ZBTB47: variants seen among roughly 807,000 people sequenced by gnomAD.
The protein encoded by ZBTB47 is zinc finger and BTB domain containing 47, also known as zinc finger and BTB domain-containing protein 47.
Under a neutral mutation model 56.6 loss-of-function variants are expected in ZBTB47, and 24 were observed. That is an observed-to-expected ratio of 0.42 (90% CI 0.31 to 0.60). The LOEUF is 0.60. Ranked by LOEUF, ZBTB47 falls within the 20% of genes least tolerant of loss-of-function variation. The pLI, the probability that ZBTB47 is intolerant of heterozygous loss-of-function variation, is 0.14. For synonymous variants in ZBTB47, 414 were observed against 418.9 expected (o/e 0.99, Z 0.14); for missense variants, 829 against 1,032.6 (o/e 0.80, Z 2.70).
At chr3:42,661,390 G>A (rs552702179) in intron 2 of ZBTB47, 95 bp from the exon 3 acceptor site, 1 of 1,424,896 alleles carries the variant, frequency 7.0e-7, no homozygotes, top group South Asian at 1.3e-5. Flanking sequence ...CATATTTCAA[G>A]TGGGAAAACT....
upstream of ZBTB47, among the ~76,000 whole-genome samples, chr3:42,653,356 T>C (rs1290402420): frequency 6.6e-6 from 1 of 152,184 alleles, no homozygotes; most frequent in Non-Finnish European, 1.5e-5. Flanking sequence ...CAGCTGGACA[T>C]GGACTTGTAT....
chr3:42,664,802 T>G lies in ZBTB47; in HGVS notation c.*204T>G. ...CCAGAGCTGGTGGAGGGCATCTCAC[T>G]CCCAAGTGCCCCCCCTTTCTGTGAC... is the stretch of plus-strand genomic sequence containing the variant. On this transcript the variant is annotated 3_prime_UTR_variant, in exon 6 of 6. Transcript: ENST00000232974. 2.2e-6 allele frequency: 1 copy of G among 450,238 alleles called. No homozygotes were observed. The highest frequency in any genetic ancestry group is 3.6e-6 in the Non-Finnish European group (1 of 278,206). The allele number at this position is 450,238 out of a possible 1,614,324, so 27.9% of individuals were successfully genotyped here. A position where few individuals can be genotyped will look rare whatever the true frequency, so the allele number is the denominator to read the frequency against.
In ZBTB47 at chr3:42,653,806, TG is replaced by T. The variant is rs1280088432; in HGVS notation, c.-158del. ...CTGGCCCTGGGCCAGTCACCTTAGA[TG>T]ATTTGATCGCTGCGGTTGTAGTCCT... On this transcript the variant is annotated 5_prime_UTR_variant, in exon 1 of 6. The change abolishes an upstream ATG in the 5' untranslated region. Coordinates refer to ENST00000232974, the MANE Select transcript of ZBTB47 (RefSeq NM_145166.4). 1 of 152,548 alleles carries T rather than the reference TG, an allele frequency of 6.6e-6. No homozygotes were observed. Among genetic ancestry groups the T allele is most frequent in the Non-Finnish European group, 1.5e-5 (1 of 68,306 alleles). 9.4% of individuals were successfully genotyped at this position (152,548 alleles called of 1,614,324 possible). A position where few individuals can be genotyped will look rare whatever the true frequency, so the allele number is the denominator to read the frequency against.
intron 2 of ZBTB47, among the ~76,000 whole-genome samples, chr3:42,660,291 T>G (rs1710698844): frequency 6.6e-6 from 1 of 152,210 alleles, no homozygotes; most frequent in Non-Finnish European, 1.5e-5. Context: ...GAGCACACGA[T>G]GGGAGGAGGG....
At chr3:42,664,144 C>T in intron 5 of ZBTB47, 93 bp from the exon 6 acceptor site, 1 of 1,536,278 alleles carries the variant, frequency 6.5e-7, no homozygotes, top group Non-Finnish European at 8.8e-7. Context: ...CGGGGCTGGG[C>T]CCCACTATGG....
At chr3:42,661,831 G>A (rs1179260018) in intron 3 of ZBTB47, among the ~76,000 whole-genome samples, 199 bp downstream of exon 3, 5 of 152,238 alleles carry the variant, frequency 3.3e-5, no homozygotes, top group African/African-American at 9.6e-5. Flanking sequence ...ATGTACAGTT[G>A]GGCAGGCTGC....
intron 3 of ZBTB47, 139 bp downstream of exon 3, chr3:42,661,771 TG>T: frequency 1.7e-6 from 2 of 1,191,148 alleles, no homozygotes; most frequent in South Asian, 1.6e-5. Flanking sequence ...CTGGGGAGGT[TG>T]GTTCCAGTGG....
Position 42,664,639 on chromosome 3 carries a change from A to AGGGCCCACTCCAGGAG in ZBTB47, c.*44_*59dup. The AGGGCCCACTCCAGGAG allele has an allele frequency of 7.2e-7, 1 of 1,388,648 alleles. No homozygotes were observed. Among genetic ancestry groups the AGGGCCCACTCCAGGAG allele is most frequent in the Non-Finnish European group, 9.2e-7 (1 of 1,082,358 alleles). 86.0% of individuals were successfully genotyped at this position (1,388,648 alleles called of 1,614,324 possible). On this transcript the variant is annotated 3_prime_UTR_variant, in exon 6 of 6. Transcript: ENST00000232974. ...CGTGCACCCGCTGGGGCCTGGAGTC[A>AGGGCCCACTCCAGGAG]GGGCCCACTCCAGGAGGGACCCACT...
chr3:42,664,033 C>G lies in ZBTB47; in HGVS notation c.1882+92C>G. 10 of 1,495,772 alleles carry G rather than the reference C, an allele frequency of 6.7e-6. No homozygotes were observed. The South Asian group carries it at 1.3e-4, about 20-fold the overall frequency. The allele number at this position is 1,495,772 out of a possible 1,614,324, so 92.7% of individuals were successfully genotyped here. A position where few individuals can be genotyped will look rare whatever the true frequency, so the allele number is the denominator to read the frequency against. ...CACCTGGAATAATCTTGGCCACACC[C>G]CTTCTCAAGTCTGGGCCTCCGTTTA... On this transcript the variant is annotated intron_variant, in intron 5 of 5. Coordinates refer to ENST00000232974, the MANE Select transcript of ZBTB47 (RefSeq NM_145166.4).
At position 42,666,719 on chromosome 3, in the gene ZBTB47, A is replaced by G. The variant is rs1341215967; in HGVS notation, c.*2121A>G. ...CTGAGACCTGTCAGGCCATACTGAC[A>G]AGCAGAGGTCAGAGACACTGGTGGG... On this transcript the variant is annotated 3_prime_UTR_variant, in exon 6 of 6. Coordinates refer to ENST00000232974, the MANE Select transcript of ZBTB47 (RefSeq NM_145166.4). 6.6e-6 allele frequency among the ~76,000 whole-genome samples: 1 copy of G among 152,186 alleles called. No homozygotes were observed. Among genetic ancestry groups the G allele is most frequent in the Non-Finnish European group, 1.5e-5 (1 of 68,024 alleles).
chr3:42,659,333 A>AGAGGAAGAGGAG lies in ZBTB47; in HGVS notation c.993_1004dup (p.Glu332_Glu335dup), dbSNP rs1391848758. ...AGGAGGACGGGCACAGTGAGCAGGA[A>AGAGGAAGAGGAG]GAGGAAGAGGAGGAGGAAGAGGAGG... On this transcript the variant is annotated inframe_insertion, in exon 2 of 6. Coordinates refer to ENST00000232974, the MANE Select transcript of ZBTB47 (RefSeq NM_145166.4). 6.9e-6 allele frequency: 10 copies of AGAGGAAGAGGAG among 1,451,954 alleles called. No homozygotes were observed. In the African/African-American group the frequency reaches 1.3e-4, roughly 19 times the overall value. The allele number at this position is 1,451,954 out of a possible 1,614,324, so 89.9% of individuals were successfully genotyped here. A position where few individuals can be genotyped will look rare whatever the true frequency, so the allele number is the denominator to read the frequency against.
Position 42,664,372 on chromosome 3 carries a change from A to G in ZBTB47, c.2018A>G (p.Asn673Ser). 2 of 1,609,188 alleles carry G rather than the reference A, an allele frequency of 1.2e-6. No individual in the cohort carries two copies. Among genetic ancestry groups the G allele is most frequent in the Non-Finnish European group, 8.5e-7 (1 of 1,178,128 alleles). ...DVCGQRFRFS[N>S]MLKAHKEKCF... ...TGTGGCCAGCGCTTCCGCTTCTCCA[A>G]CATGCTCAAGGCCCACAAGGAGAAG... Residue 673 changes from asparagine (N) to serine (S), a missense_variant, in exon 6 of 6, where the codon AAC becomes AGC. By Grantham distance (46) the Asn-to-Ser change is conservative. Coordinates refer to ENST00000232974, the MANE Select transcript of ZBTB47 (RefSeq NM_145166.4).
chr3:42,661,721 C>A, intron 3 of ZBTB47, 89 bp downstream of exon 3: 2 of 1,525,990 alleles, frequency 1.3e-6, no homozygotes, highest in Non-Finnish European at 1.8e-6. Flanking sequence ...CATCCAAGGG[C>A]AATGTGAAGG....
In ZBTB47 at chr3:42,664,761, T is replaced by TGCAGGCTG. The variant is rs1284847972; in HGVS notation, c.*170_*177dup. ...CCTGAGGCCCCGACGAGGAGGGGTA[T>TGCAGGCTG]GCAGGCTGGCAGGCCCCAGAGCTGG... On this transcript the variant is annotated 3_prime_UTR_variant, in exon 6 of 6. Coordinates refer to ENST00000232974, the MANE Select transcript of ZBTB47 (RefSeq NM_145166.4). 1.2e-6 allele frequency: 1 copy of TGCAGGCTG among 818,836 alleles called. No individual in the cohort carries two copies. The highest frequency in any genetic ancestry group is 1.7e-6 in the Non-Finnish European group (1 of 600,990). The allele number at this position is 818,836 out of a possible 1,614,324, so 50.7% of individuals were successfully genotyped here.
rs561564362 is a variant in ZBTB47, at chr3:42,663,329, C to T, written c.1737+202C>T. 6.4e-4 allele frequency among the ~76,000 whole-genome samples: 98 copies of T among 152,276 alleles called. No homozygotes were observed. Among genetic ancestry groups the T allele is most frequent in the Admixed American group, 1.3e-3 (20 of 15,302 alleles). The stretch of plus-strand genomic sequence containing the variant: ...CTTCTCTGGCCCACTCCCATCCTGC[C>T]CTTCCTTCCCCAACCCAGCCCCACA... On this transcript the variant is annotated intron_variant, in intron 4 of 5. Coordinates refer to ENST00000232974, the MANE Select transcript of ZBTB47 (RefSeq NM_145166.4). This position sits in a 1 kb window ranked among gnomAD's most constrained non-coding sequence, Gnocchi z 5.1.
chr3:42,658,955 C>T lies in ZBTB47; in HGVS notation c.600C>T (p.Ala200=), dbSNP rs576060204. 167 of 1,504,122 alleles carry T rather than the reference C, an allele frequency of 1.1e-4. 1 individual carries two copies. The highest frequency in any genetic ancestry group is 6.4e-4 in the Admixed American group (30 of 46,828). 93.2% of individuals were successfully genotyped at this position (1,504,122 alleles called of 1,614,324 possible). The change falls in exon 2 of 6, where the codon GCC becomes GCT. Residue 200 remains alanine (A), a synonymous_variant. Transcript: ENST00000232974. ...AGAAGGAGGGTGGTGTCGAGGAGGC[C>T]GGTGGGCCCCCAGCCAGCTTGTGCA... ...KEEKEGGVEE[A]GGPPASLCKL... is the part of the protein sequence containing the mutation.
rs2125837445 is a variant in ZBTB47 at position 42,659,578 on chromosome 3, C to G, written c.1223C>G (p.Pro408Arg). Residue 408 changes from proline to arginine, a missense_variant, in exon 2 of 6, where the codon CCT becomes CGT. Transcript: ENST00000232974. ...GGTGGGAAGAGGCCAAAGCCACCCCCTGGAGTGGCCTCTGCATCGGCCCGA... is the reference window on the plus strand; with the variant it reads ...GGTGGGAAGAGGCCAAAGCCACCCCGTGGAGTGGCCTCTGCATCGGCCCGA... ...RRGGKRPKPP[P>R]GVASASARGP... 6.2e-7 allele frequency: 1 copy of G among 1,601,436 alleles called. No individual in the cohort carries two copies. Among genetic ancestry groups the G allele is most frequent in the Admixed American group, 1.7e-5 (1 of 58,522 alleles).
In ZBTB47 at chr3:42,659,204, C is replaced by CGAG. The variant is rs746031086; in HGVS notation, c.864_866dup (p.Glu294dup). ...ACTCGGACGAGGAGGAGGAGGACGACGAGGAGGAGGAGGAGGAAGAAGAGG... is the reference window on the plus strand; with the variant it reads ...ACTCGGACGAGGAGGAGGAGGACGACGAGGAGGAGGAGGAGGAGGAAGAAGAGG... On this transcript the variant is annotated inframe_insertion, in exon 2 of 6. Coordinates refer to ENST00000232974, the MANE Select transcript of ZBTB47 (RefSeq NM_145166.4). 2.4e-5 allele frequency: 36 copies of CGAG among 1,508,156 alleles called. No individual in the cohort carries two copies. Among genetic ancestry groups the CGAG allele is most frequent in the East Asian group, 2.0e-4 (8 of 40,432 alleles). The allele number at this position is 1,508,156 out of a possible 1,614,324, so 93.4% of individuals were successfully genotyped here.
At chr3:42,660,439 T>C (rs1041759433) in intron 2 of ZBTB47, among the ~76,000 whole-genome samples, 2 of 151,848 alleles carry the variant, frequency 1.3e-5, no homozygotes, top group African/African-American at 2.4e-5. Flanking sequence ...AGGGATTGGG[T>C]GAGAAATTTG....
Sources: allele counts gnomAD v4.1 joint callset (sites outside exome capture counted in the v4.1 genomes callset), GRCh38; gene constraint gnomAD v4.1.1; non-coding constraint Gnocchi (gnomAD v3.1); transcripts MANE v1.5; gene names NCBI Gene and HGNC (gene_info 2026-07-23, HGNC 2026-07-21).